UBE3A: variants seen among roughly 807,000 people sequenced by gnomAD.
The protein encoded by UBE3A is ubiquitin-protein ligase E3A.
UBE3A carries 6 observed loss-of-function variants against 83.4 expected under a neutral mutation model. That is an observed-to-expected ratio of 0.07 (90% CI 0.04 to 0.14). UBE3A has a LOEUF of 0.14. Ranked by LOEUF, UBE3A falls within the 10% of genes least tolerant of loss-of-function variation. The pLI is 1.00. For missense variants in UBE3A, 456 were observed against 1,036.1 expected, an observed-to-expected ratio of 0.44 and a Z score of 7.69; for synonymous variants, 337 against 355.4, an observed-to-expected ratio of 0.95 and a Z score of 0.58.
intron 4 of UBE3A, among the ~76,000 whole-genome samples, chr15:25,384,129 T>G (rs930811336): frequency 2.0e-5 from 3 of 152,090 alleles, no homozygotes; most frequent in Admixed American, 6.6e-5. Context: ...TTAGGGAATA[T>G]TTTCACCAAG....
intron 1 of UBE3A, among the ~76,000 whole-genome samples, chr15:25,434,251 A>G (rs1467029710): frequency 6.6e-6 from 1 of 152,166 alleles, no homozygotes; most frequent in Non-Finnish European, 1.5e-5. Flanking sequence ...AAAAGCTGGC[A>G]AAGAAACTGT....
intron 6 of UBE3A, among the ~76,000 whole-genome samples, chr15:25,364,584 G>A (rs1403805004): frequency 2.0e-5 from 3 of 151,476 alleles, no homozygotes; most frequent in Non-Finnish European, 1.5e-5. Context: ...AAAGGAGAAC[G>A]TGCATGCATG....
At chr15:25,394,801 C>T (rs1457440052) in intron 4 of UBE3A, among the ~76,000 whole-genome samples, 1 of 152,088 alleles carries the variant, frequency 6.6e-6, no homozygotes, top group Admixed American at 6.6e-5. Context: ...AAGGCAGAAA[C>T]AAACATTTTG....
intron 1 of UBE3A, chr15:25,419,032 G>T (rs1430357699): frequency 6.6e-6 from 1 of 152,136 alleles, no homozygotes; most frequent in Non-Finnish European, 1.5e-5. Context: ...ACAATGTAAT[G>T]CTATGTAAAC....
At chr15:25,407,956 C>G (rs1311224623) in intron 3 of UBE3A, 1 of 152,164 alleles carries the variant, frequency 6.6e-6, no homozygotes, top group African/African-American at 2.4e-5. Flanking sequence ...ATGACATATG[C>G]CAGGTGTGGT....
chr15:25,369,797 T>C (rs566072407), intron 6 of UBE3A, among the ~76,000 whole-genome samples: 5 of 152,248 alleles, frequency 3.3e-5, no homozygotes, highest in African/African-American at 7.2e-5. Flanking sequence ...AAAATTATCT[T>C]GTGGAGGAAA....
At chr15:25,405,743 C>T (rs2088372530) in intron 3 of UBE3A, 3 of 537,800 alleles carry the variant, frequency 5.6e-6, no homozygotes, top group Non-Finnish European at 1.0e-5. Flanking sequence ...ACTGTAAACG[C>T]TATACATAGA....
At position 25,337,871 on chromosome 15, in the gene UBE3A, A is replaced by AAATC. The variant is rs1316670654; in HGVS notation, c.*1262_*1265dup. The AAATC allele has an allele frequency of 2.0e-5, 3 of 152,222 alleles. No homozygotes were observed. The highest frequency in any genetic ancestry group is 2.0e-4 in the Admixed American group (3 of 15,284). 9.4% of individuals were successfully genotyped at this position (152,222 alleles called of 1,614,324 possible). A position where few individuals can be genotyped will look rare whatever the true frequency, so the allele number is the denominator to read the frequency against. On this transcript the variant is annotated 3_prime_UTR_variant, in exon 13 of 13. Transcript: ENST00000648336. Reference sequence around the variant, plus strand: ...GAAAGGGGAAACTACTTACTTCTGGAAATCAGTAATGTAAACCTACTTGTA... The same window carrying AAATC: ...GAAAGGGGAAACTACTTACTTCTGGAAATCAATCAGTAATGTAAACCTACTTGTA...
intron 4 of UBE3A, among the ~76,000 whole-genome samples, chr15:25,390,572 G>A (rs1185158794): frequency 6.6e-6 from 1 of 152,128 alleles, no homozygotes; most frequent in Non-Finnish European, 1.5e-5. Context: ...ATAATATGCT[G>A]GAAAAGGCAA....
At chr15:25,383,376 CCTGTAATCCCAGCA>C (rs1185534438) in intron 4 of UBE3A, among the ~76,000 whole-genome samples, 2 of 152,160 alleles carry the variant, frequency 1.3e-5, no homozygotes, top group Non-Finnish European at 2.9e-5. Flanking sequence ...GTGGCTCATG[CCTGTAATCCCAGCA>C]CTTTAGAAGG....
At chr15:25,364,374 A>C (rs1382114405) in intron 6 of UBE3A, among the ~76,000 whole-genome samples, 1 of 152,126 alleles carries the variant, frequency 6.6e-6, no homozygotes, top group Non-Finnish European at 1.5e-5. Flanking sequence ...AATAACCTCC[A>C]TCAATTGTTC....
At chr15:25,385,152 G>C (rs2082886706) in intron 4 of UBE3A, among the ~76,000 whole-genome samples, 1 of 152,104 alleles carries the variant, frequency 6.6e-6, no homozygotes, top group Admixed American at 6.6e-5. Context: ...ACAGTAAATG[G>C]AGTAAAATGG....
chr15:25,404,992 T>C (rs1472812078), intron 4 of UBE3A, among the ~76,000 whole-genome samples: 1 of 152,258 alleles, frequency 6.6e-6, no homozygotes, highest in East Asian at 1.9e-4. Context: ...TACTCCTTCA[T>C]GTTACTATTG....
At chr15:25,391,748 C>T (rs1435342311) in intron 4 of UBE3A, 1 of 152,086 alleles carries the variant, frequency 6.6e-6, no homozygotes, top group African/African-American at 2.4e-5. Flanking sequence ...TGAAAGAAAA[C>T]AAGTTTAAGA....
chr15:25,398,816 A>AATAC (rs1349979924), intron 4 of UBE3A, among the ~76,000 whole-genome samples: 4 of 40,826 alleles, frequency 9.8e-5, no homozygotes, highest in Non-Finnish European at 2.1e-4. Flanking sequence ...TATATATATA[A>AATAC]AAATACATAT....
rs1261314930 is a variant in UBE3A at position 25,339,046 on chromosome 15, A to C, written c.*91T>G. 2.9e-6 allele frequency: 4 copies of C among 1,394,068 alleles called. No individual in the cohort carries two copies. The East Asian group carries it at 7.7e-5, about 27-fold the overall frequency. 86.4% of individuals were successfully genotyped at this position (1,394,068 alleles called of 1,614,324 possible). On this transcript the variant is annotated 3_prime_UTR_variant, in exon 13 of 13. Transcript: ENST00000648336. ...TTGTACTGGGACACTATCACCACCA[A>C]AAATTTATCCCTCGTTATATTTTTA...
intron 4 of UBE3A, 56 bp from the exon 5 acceptor site, chr15:25,375,819 A>C: frequency 6.3e-7 from 1 of 1,591,854 alleles, no homozygotes; most frequent in African/African-American, 1.4e-5. Flanking sequence ...TCAAGTACAA[A>C]GCTCAACATA....
intron 1 of UBE3A, among the ~76,000 whole-genome samples, chr15:25,413,669 C>A (rs1296270476): frequency 6.6e-6 from 1 of 152,156 alleles, no homozygotes; most frequent in Admixed American, 6.5e-5. Flanking sequence ...ATTTCTTTAT[C>A]TTCTTTCCTT....
At chr15:25,432,618 AT>A (rs1893795285) in intron 1 of UBE3A, among the ~76,000 whole-genome samples, 1 of 152,112 alleles carries the variant, frequency 6.6e-6, no homozygotes, top group African/African-American at 2.4e-5. Context: ...GGGTCAAAAA[AT>A]TTTTCTCATG....
Sources: gnomAD v4.1 joint callset for allele counts (sites outside exome capture counted in the v4.1 genomes callset) on GRCh38, gnomAD v4.1.1 for gene constraint, MANE v1.5 for transcripts, NCBI Gene and HGNC (gene_info 2026-07-23, HGNC 2026-07-21) for gene names.